Variants in SLC35F4 observed in about 807,000 individuals in gnomAD.
The protein encoded by SLC35F4 is solute carrier family 35 member F4, also known as chromosome 14 open reading frame 36.
A neutral mutation model predicts 44.2 loss-of-function variants in SLC35F4; 24 were observed. That is an observed-to-expected ratio of 0.54 (90% CI 0.39 to 0.76). The LOEUF (loss-of-function observed/expected upper bound fraction) is 0.76, where lower values mean the gene tolerates loss of function less well. SLC35F4 is among the 30% of genes least tolerant of loss of function. The pLI, the probability that SLC35F4 is intolerant of heterozygous loss-of-function variation, is 0.00. For synonymous variants in SLC35F4, 238 were observed against 223.6 expected, an observed-to-expected ratio of 1.06 and a Z score of -0.57; for missense variants, 562 against 586.1, an observed-to-expected ratio of 0.96 and a Z score of 0.42.
At chr14:57,692,402 T>G (rs1216281719) in intron 1 of SLC35F4, among the ~76,000 whole-genome samples, 1 of 152,200 alleles carries the variant, frequency 6.6e-6, no homozygotes, top group Non-Finnish European at 1.5e-5. Flanking sequence ...TATTGATTTT[T>G]AATTTATAAT....
At chr14:57,842,622 CCTCT>C (rs1225259291) in intron 1 of SLC35F4, among the ~76,000 whole-genome samples, 1 of 152,130 alleles carries the variant, frequency 6.6e-6, no homozygotes, top group Non-Finnish European at 1.5e-5. Context: ...CACACAACCA[CCTCT>C]CTCTCCATGT....
At chr14:57,894,106 T>G (rs866346076) in intron 1 of SLC35F4, among the ~76,000 whole-genome samples, 32 of 152,066 alleles carry the variant, frequency 2.1e-4, no homozygotes, top group South Asian at 2.1e-4. Flanking sequence ...CTTTATACAA[T>G]TATACTCCTA....
At chr14:57,571,653 C>T in intron 5 of SLC35F4, among the ~76,000 whole-genome samples, 1 of 152,186 alleles carries the variant, frequency 6.6e-6, no homozygotes, top group East Asian at 1.9e-4. Context: ...TGTAATCTTT[C>T]AAAGCCTCAG....
At chr14:57,769,964 A>T (rs17093675) in intron 1 of SLC35F4, among the ~76,000 whole-genome samples, 2,677 of 152,308 alleles carry the variant, frequency 0.018, 70 homozygotes, top group African/African-American at 0.06. Context: ...AATCATTTAA[A>T]ACACCATCTG....
At chr14:57,715,675 T>C (rs2075921951) in intron 1 of SLC35F4, among the ~76,000 whole-genome samples, 1 of 152,200 alleles carries the variant, frequency 6.6e-6, no homozygotes, top group African/African-American at 2.4e-5. Flanking sequence ...GTCATTTTCA[T>C]GGCCATTGAA....
chr14:57,969,576 T>C (rs937788461), intron 1 of SLC35F4, among the ~76,000 whole-genome samples: 4 of 152,220 alleles, frequency 2.6e-5, no homozygotes, highest in African/African-American at 9.6e-5. Context: ...CAGTGTGCTA[T>C]AAGGCACACA....
intron 1 of SLC35F4, among the ~76,000 whole-genome samples, chr14:57,740,778 C>T (rs747970847): frequency 9.2e-5 from 14 of 152,298 alleles, no homozygotes; most frequent in East Asian, 7.7e-4. Context: ...ACATCTGTTA[C>T]GCACCAATAA....
chr14:57,582,641 G>A (rs1033482478), intron 3 of SLC35F4, among the ~76,000 whole-genome samples: 6 of 152,158 alleles, frequency 3.9e-5, no homozygotes, highest in Non-Finnish European at 7.4e-5. Context: ...TTTCCCACTC[G>A]ATTGTTCATG....
intron 1 of SLC35F4, among the ~76,000 whole-genome samples, chr14:57,739,330 A>C (rs1015922140): frequency 2.0e-5 from 3 of 152,204 alleles, no homozygotes; most frequent in African/African-American, 7.2e-5. Flanking sequence ...GACCAACGGC[A>C]TATCAATGTT....
At chr14:57,841,803 A>T (rs572010740) in intron 1 of SLC35F4, among the ~76,000 whole-genome samples, 1 of 152,248 alleles carries the variant, frequency 6.6e-6, no homozygotes, top group South Asian at 2.1e-4. Flanking sequence ...GATCCTAAAA[A>T]CCTGGTATAT....
chr14:57,846,326 G>A (rs1886017746), intron 1 of SLC35F4, among the ~76,000 whole-genome samples: 1 of 152,096 alleles, frequency 6.6e-6, no homozygotes, highest in African/African-American at 2.4e-5. Flanking sequence ...AAACCCAGTG[G>A]GATTCCTTCC....
At chr14:57,609,283 T>C (rs2071353869) in intron 1 of SLC35F4, among the ~76,000 whole-genome samples, 1 of 152,174 alleles carries the variant, frequency 6.6e-6, no homozygotes, top group Non-Finnish European at 1.5e-5. Flanking sequence ...AAATCAGGCA[T>C]GTTTTTGTAA....
intron 1 of SLC35F4, among the ~76,000 whole-genome samples, chr14:57,712,843 A>C (rs2075847277): frequency 6.6e-6 from 1 of 152,228 alleles, no homozygotes. Flanking sequence ...TGATGTAAAC[A>C]ATTTTAAAGA....
At chr14:57,697,677 G>T (rs995478476) in intron 1 of SLC35F4, among the ~76,000 whole-genome samples, 17 of 148,424 alleles carry the variant, frequency 1.1e-4, no homozygotes, top group African/African-American at 4.0e-4. Flanking sequence ...TGCCAACCTG[G>T]GTGACAGAGT....
intron 1 of SLC35F4, among the ~76,000 whole-genome samples, chr14:57,933,683 G>A (rs553515503): frequency 6.6e-6 from 1 of 152,314 alleles, no homozygotes; most frequent in Non-Finnish European, 1.5e-5. Context: ...AATCAATGCA[G>A]ATGGTTTCAC....
intron 1 of SLC35F4, among the ~76,000 whole-genome samples, chr14:57,798,977 T>C (rs935785886): frequency 2.0e-5 from 3 of 152,180 alleles, no homozygotes; most frequent in Non-Finnish European, 1.5e-5. Flanking sequence ...CACTTGATAA[T>C]AGAATTATGT....
At chr14:57,944,860 T>C (rs1264546070) in intron 1 of SLC35F4, among the ~76,000 whole-genome samples, 1 of 152,132 alleles carries the variant, frequency 6.6e-6, no homozygotes, top group African/African-American at 2.4e-5. Flanking sequence ...CCCACATAAA[T>C]GCCTGATAAT....
intron 1 of SLC35F4, among the ~76,000 whole-genome samples, chr14:57,980,478 C>T (rs1372301841): frequency 6.6e-6 from 1 of 152,156 alleles, no homozygotes; most frequent in Non-Finnish European, 1.5e-5. Flanking sequence ...TCCAGCTTCT[C>T]TGCCAGGTAT....
intron 1 of SLC35F4, among the ~76,000 whole-genome samples, chr14:57,784,393 C>T (rs1214714591): frequency 6.6e-6 from 1 of 152,154 alleles, no homozygotes; most frequent in African/African-American, 2.4e-5. Context: ...CATATAGAAA[C>T]ATTTTTAGGG....
Sources: allele counts gnomAD v4.1 joint callset (sites outside exome capture counted in the v4.1 genomes callset), GRCh38; gene constraint gnomAD v4.1.1; transcripts MANE v1.5; gene names NCBI Gene and HGNC (gene_info 2026-07-23, HGNC 2026-07-21).